NELL1: variants seen among roughly 807,000 people sequenced by gnomAD.
The protein encoded by NELL1 is protein kinase C-binding protein NELL1.
Under a neutral mutation model 107.4 loss-of-function variants are expected in NELL1, and 76 were observed. The observed-to-expected ratio is 0.71, with a 90% CI of 0.59 to 0.86. The LOEUF is 0.86. Among genes scored for constraint, NELL1 ranks in the 40% least tolerant of loss-of-function variants. The pLI is 0.00. For missense variants in NELL1, 1,024 were observed against 1,005.5 expected (o/e 1.02, Z -0.25); for synonymous variants, 353 against 341.2 (o/e 1.03, Z -0.38).
intron 3 of NELL1, among the ~76,000 whole-genome samples, chr11:20,821,674 A>G (rs1857756490): frequency 6.6e-6 from 1 of 152,232 alleles, no homozygotes; most frequent in Non-Finnish European, 1.5e-5. Context: ...TTGGAATTTT[A>G]ATAGAGCCTC....
intron 13 of NELL1, among the ~76,000 whole-genome samples, chr11:21,186,397 T>C (rs1173986294): frequency 6.6e-6 from 1 of 151,934 alleles, no homozygotes; most frequent in African/African-American, 2.4e-5. Context: ...ATATTCTCTC[T>C]ATCTACTTGT....
intron 13 of NELL1, among the ~76,000 whole-genome samples, chr11:21,142,341 A>G (rs1333595087): frequency 1.3e-5 from 2 of 152,230 alleles, no homozygotes; most frequent in African/African-American, 4.8e-5. Context: ...CAGTGCCTGC[A>G]GGCATGCCTT....
At chr11:21,162,722 G>C (rs1856399572) in intron 13 of NELL1, among the ~76,000 whole-genome samples, 1 of 152,106 alleles carries the variant, frequency 6.6e-6, no homozygotes, top group South Asian at 2.1e-4. Flanking sequence ...GGGCTGGGTG[G>C]TGTCTCATAC....
intron 13 of NELL1, among the ~76,000 whole-genome samples, chr11:21,140,453 A>G (rs1042355241): frequency 2.0e-5 from 3 of 152,200 alleles, no homozygotes; most frequent in African/African-American, 7.2e-5. Flanking sequence ...ACTGGAGTTT[A>G]ATAACTGCTT....
intron 2 of NELL1, among the ~76,000 whole-genome samples, chr11:20,782,137 G>GT: frequency 6.6e-6 from 1 of 152,126 alleles, no homozygotes; most frequent in Non-Finnish European, 1.5e-5. Context: ...CATTTAATAG[G>GT]TTTTAAATGT....
chr11:21,349,923 A>G (rs1430330201), intron 14 of NELL1, among the ~76,000 whole-genome samples: 1 of 152,168 alleles, frequency 6.6e-6, no homozygotes, highest in East Asian at 1.9e-4. Context: ...ACAATCTACT[A>G]TATTGTAATC....
intron 15 of NELL1, among the ~76,000 whole-genome samples, chr11:21,460,038 A>T (rs576915436): frequency 6.6e-6 from 1 of 152,244 alleles, no homozygotes; most frequent in African/African-American, 2.4e-5. Context: ...AAAAGGCTTT[A>T]TTAATGTGGC....
chr11:20,712,598 G>A (rs1423386575), intron 2 of NELL1, among the ~76,000 whole-genome samples: 2 of 152,072 alleles, frequency 1.3e-5, no homozygotes, highest in African/African-American at 2.4e-5. Context: ...TTCTCTTTTG[G>A]GTAGAGTAAT....
intron 4 of NELL1, among the ~76,000 whole-genome samples, chr11:20,855,472 A>G (rs966395916): frequency 6.6e-6 from 1 of 152,224 alleles, no homozygotes; most frequent in Non-Finnish European, 1.5e-5. Flanking sequence ...TAGAATAGAG[A>G]GGAAAATAAG....
At chr11:21,335,358 C>T (rs1016904404) in intron 14 of NELL1, among the ~76,000 whole-genome samples, 1 of 151,954 alleles carries the variant, frequency 6.6e-6, no homozygotes, top group Non-Finnish European at 1.5e-5. Flanking sequence ...TCTCACTTTC[C>T]TATTACTTGT....
intron 15 of NELL1, among the ~76,000 whole-genome samples, chr11:21,378,717 ATT>A (rs11306401): frequency 0.3 from 41,146 of 136,380 alleles, 5,450 homozygotes; most frequent in East Asian, 0.34. Flanking sequence ...ACACTTGTAC[ATT>A]TTTTTTTTTT....
intron 12 of NELL1, among the ~76,000 whole-genome samples, chr11:21,018,681 A>G (rs1031011458): frequency 2.6e-5 from 4 of 152,124 alleles, no homozygotes; most frequent in Admixed American, 2.6e-4. Flanking sequence ...ACGTGAGGCC[A>G]GTGGGTAATG....
intron 3 of NELL1, among the ~76,000 whole-genome samples, chr11:20,795,668 T>G (rs916028024): frequency 6.6e-6 from 1 of 152,212 alleles, no homozygotes; most frequent in African/African-American, 2.4e-5. Context: ...AAAATTAAGT[T>G]GAAGCACAAT....
At chr11:21,431,461 G>A (rs1252307313) in intron 15 of NELL1, among the ~76,000 whole-genome samples, 2 of 152,050 alleles carry the variant, frequency 1.3e-5, no homozygotes, top group Non-Finnish European at 2.9e-5. Context: ...ATAATGTCTA[G>A]CACTTTGTAG....
intron 9 of NELL1, among the ~76,000 whole-genome samples, chr11:20,932,822 T>C (rs189811216): frequency 4.6e-5 from 7 of 152,286 alleles, no homozygotes; most frequent in Admixed American, 4.6e-4. Context: ...AGATCTCTGT[T>C]ACAATAAAGA....
At chr11:21,139,198 T>A (rs552933870) in intron 13 of NELL1, among the ~76,000 whole-genome samples, 1 of 152,304 alleles carries the variant, frequency 6.6e-6, no homozygotes, top group Non-Finnish European at 1.5e-5. Context: ...GTGGTCTTTT[T>A]CTTTTCCTGC....
chr11:21,221,272 A>G (rs751761005), intron 13 of NELL1, among the ~76,000 whole-genome samples: 2 of 152,160 alleles, frequency 1.3e-5, no homozygotes, highest in Non-Finnish European at 2.9e-5. Context: ...GTACTGTTGT[A>G]TTCAGTTTGC....
chr11:21,368,026 G>A (rs1851269625), intron 14 of NELL1, among the ~76,000 whole-genome samples: 1 of 151,964 alleles, frequency 6.6e-6, no homozygotes, highest in Non-Finnish European at 1.5e-5. Context: ...ACAATCTTTA[G>A]ACTAAGATAC....
intron 15 of NELL1, among the ~76,000 whole-genome samples, chr11:21,400,337 A>G (rs1047358913): frequency 2.4e-4 from 37 of 151,906 alleles, no homozygotes; most frequent in African/African-American, 8.9e-4. Context: ...TTAAATGTTT[A>G]TAATCATTTC....
Sources: gnomAD v4.1 joint callset for allele counts (sites outside exome capture counted in the v4.1 genomes callset) on GRCh38, gnomAD v4.1.1 for gene constraint, MANE v1.5 for transcripts, NCBI Gene and HGNC (gene_info 2026-07-23, HGNC 2026-07-21) for gene names.